FES: variants seen among roughly 807,000 people sequenced by gnomAD.
FES encodes the protein tyrosine-protein kinase Fes/Fps.
Under a neutral mutation model 109.6 loss-of-function variants are expected in FES, and 83 were observed. The ratio of observed to expected loss-of-function variants is 0.76; its 90% CI spans 0.63 to 0.91. The LOEUF is 0.91. Ranked by LOEUF, FES falls within the 40% of genes least tolerant of loss-of-function variation. The pLI is 0.00. For synonymous variants in FES, 458 were observed against 442.1 expected, an observed-to-expected ratio of 1.04 and a Z score of -0.45; for missense variants, 943 against 1,070.9, an observed-to-expected ratio of 0.88 and a Z score of 1.67.
At chr15:90,886,867 C>T (rs1596093665) in intron 3 of FES, 94 bp from the exon 4 acceptor site, 5 of 1,189,978 alleles carry the variant, frequency 4.2e-6, no homozygotes, top group Admixed American at 1.9e-5. Flanking sequence ...TGCTCCTTGC[C>T]TGACGACAGG....
Position 90,889,721 on chromosome 15 carries a change from C to A in FES, c.926+85C>A. The A allele has an allele frequency of 6.2e-7, 1 of 1,604,058 alleles. No individual in the cohort carries two copies. On this transcript the variant is annotated intron_variant, in intron 7 of 18. Coordinates refer to ENST00000328850, the MANE Select transcript of FES (RefSeq NM_002005.4). The surrounding 1 kb of genome is among the most constrained non-coding windows in gnomAD (Gnocchi z 6.1). ...TGTAGGCAGGGCTAGGTCGTGGAGA[C>A]TGTCCACACAGAGCTGTCACCAGGT...
At chr15:90,888,902 C>T (rs1181659355) in intron 5 of FES, among the ~76,000 whole-genome samples, 1 of 151,974 alleles carries the variant, frequency 6.6e-6, no homozygotes, top group African/African-American at 2.4e-5. Context: ...CTCAGCCTCC[C>T]GAGTAGCCAA....
rs1343781832 is a variant in FES, at chr15:90,889,991, C to T, written c.1049+29C>T. 1.2e-6 allele frequency: 2 copies of T among 1,610,376 alleles called. No individual in the cohort carries two copies. Among genetic ancestry groups the T allele is most frequent in the Non-Finnish European group, 1.7e-6 (2 of 1,179,108 alleles). On this transcript the variant is annotated intron_variant, in intron 8 of 18. Coordinates refer to ENST00000328850, the MANE Select transcript of FES (RefSeq NM_002005.4). This position sits in a 1 kb window ranked among gnomAD's most constrained non-coding sequence, Gnocchi z 6.1. Reference sequence around the variant, plus strand: ...AGTGGGCCCCTGCCTGCAGCAGCCTCCTGGGCCTCCCTCCCTCCTACCTAC... The same window carrying T: ...AGTGGGCCCCTGCCTGCAGCAGCCTTCTGGGCCTCCCTCCCTCCTACCTAC...
At chr15:90,886,234 C>T (rs1451381714) in intron 3 of FES, among the ~76,000 whole-genome samples, 4 of 152,236 alleles carry the variant, frequency 2.6e-5, no homozygotes, top group African/African-American at 9.6e-5. Flanking sequence ...AAAAGATCAT[C>T]TGATTCAAGG....
At chr15:90,891,929 G>T in intron 12 of FES, 129 bp from the exon 13 acceptor site, 1 of 1,190,370 alleles carries the variant, frequency 8.4e-7, no homozygotes. Flanking sequence ...AGTCATCTCA[G>T]TGTGCTCCCC....
chr15:90,886,270 CT>C (rs1450319816), intron 3 of FES, among the ~76,000 whole-genome samples: 2 of 152,242 alleles, frequency 1.3e-5, no homozygotes, highest in African/African-American at 4.8e-5. Flanking sequence ...TAAAGTTTTG[CT>C]GGAACACAGC....
At position 90,890,525 on chromosome 15, in the gene FES, C is replaced by T. The variant is rs200988464; in HGVS notation, c.1320+41C>T. 103 of 1,562,672 alleles carry T rather than the reference C, an allele frequency of 6.6e-5. No individual in the cohort carries two copies. In the East Asian group the frequency reaches 2.1e-3, roughly 32 times the overall value. On this transcript the variant is annotated intron_variant, in intron 10 of 18. Transcript: ENST00000328850. ...CCTGGGCCCCCCTACTGTTGTGTTT[C>T]GAGTTTAATCACTGGGATGTCCTAG... is the stretch of plus-strand genomic sequence containing the variant.
At chr15:90,895,348 C>A (rs531603171) in intron 18 of FES, 68 bp from the exon 19 acceptor site, 2 of 1,357,270 alleles carry the variant, frequency 1.5e-6, no homozygotes, top group Admixed American at 5.2e-5. Context: ...CTCATGGTAT[C>A]CCCCAGAGTC....
Position 90,895,578 on chromosome 15 carries a change from A to G in FES, c.*20A>G. 6.5e-7 allele frequency: 1 copy of G among 1,535,688 alleles called. No homozygotes were observed. The highest frequency in any genetic ancestry group is 8.8e-7 in the Non-Finnish European group (1 of 1,138,192). On this transcript the variant is annotated 3_prime_UTR_variant, in exon 19 of 19. Coordinates refer to ENST00000328850, the MANE Select transcript of FES (RefSeq NM_002005.4). ...CGGTGAGGCTGGGACCCCCTTCTCA[A>G]GCTGGTGGCCTCTGCAGGCCTAGGT...
At chr15:90,894,904 A>T (rs943925444) in intron 18 of FES, among the ~76,000 whole-genome samples, 1 of 152,058 alleles carries the variant, frequency 6.6e-6, no homozygotes, top group Non-Finnish European at 1.5e-5. Context: ...TGTCTCTACT[A>T]AAAATACAAA....
rs1197283201 is a variant in FES at position 90,891,556 on chromosome 15, C to T, written c.1533C>T (p.Asn511=). The T allele has an allele frequency of 1.2e-6, 2 of 1,613,756 alleles. No individual in the cohort carries two copies. The highest frequency in any genetic ancestry group is 2.2e-5 in the East Asian group (1 of 44,884). ...ACCCCGGGTCCCCTGCCCTGCAGAA[C>T]CTGTACCGACTGGAAGGGGAAGGCT... ...PRHFIIQSLD[N]LYRLEGEGFP... is the part of the protein sequence containing the mutation. Residue 511 remains asparagine, a splice_region_variant and synonymous_variant, in exon 12 of 19, where the codon AAC becomes AAT. Coordinates refer to ENST00000328850, the MANE Select transcript of FES (RefSeq NM_002005.4).
chr15:90,895,436 G>A lies in FES; in HGVS notation c.2347G>A (p.Glu783Lys). Residue 783 changes from glutamate to lysine, a missense_variant, in exon 19 of 19, where the codon GAG becomes AAG. Coordinates refer to ENST00000328850, the MANE Select transcript of FES (RefSeq NM_002005.4). ...CACAGGGGGCCGTCTGCCCTGCCCAGAGCTGTGTCCTGATGCCGTGTTCAG... is the reference window on the plus strand; with the variant it reads ...CACAGGGGGCCGTCTGCCCTGCCCAAAGCTGTGTCCTGATGCCGTGTTCAG... Reference protein sequence around the residue: ...VEKGGRLPCPELCPDAVFRLM... With the variant: ...VEKGGRLPCPKLCPDAVFRLM... The A allele has an allele frequency of 6.4e-7, 1 of 1,574,062 alleles. No homozygotes were observed. The highest frequency in any genetic ancestry group is 8.6e-7 in the Non-Finnish European group (1 of 1,156,922).
intron 5 of FES, among the ~76,000 whole-genome samples, chr15:90,887,709 A>G (rs1001480196): frequency 6.6e-6 from 1 of 152,320 alleles, no homozygotes; most frequent in South Asian, 2.1e-4. Flanking sequence ...ATGGAGAAAA[A>G]TAAAGCAAGA....
Position 90,888,747 on chromosome 15 carries a change from CATTTATTTATTTATTTATTT to C in FES, c.669-529_669-510del, listed in dbSNP as rs57072260. ...GGTTTAGGAGACAAGGATAGCAGTT[CATTTATTTATTTATTTATTT>C]ATTTATTTATTTATTTATTTATTTA... On this transcript the variant is annotated intron_variant, in intron 5 of 18. Transcript: ENST00000328850. 1.6e-3 allele frequency among the ~76,000 whole-genome samples: 222 copies of C among 142,662 alleles called. 1 individual carries two copies. Among genetic ancestry groups the C allele is most frequent in the Middle Eastern group, 0.01 (3 of 288 alleles). The allele number at this position is 142,662 out of a possible 152,430, so 93.6% of individuals were successfully genotyped here.
intron 3 of FES, among the ~76,000 whole-genome samples, chr15:90,886,394 AG>A (rs1475134562): frequency 6.6e-6 from 1 of 152,258 alleles, no homozygotes; most frequent in Non-Finnish European, 1.5e-5. Context: ...TGGCCCTTTA[AG>A]AAAAAGACTG....
At chr15:90,892,606 CG>C (rs767756947) in intron 13 of FES, 100 bp from the exon 14 acceptor site, 6 of 1,178,440 alleles carry the variant, frequency 5.1e-6, no homozygotes, top group Non-Finnish European at 6.0e-6. Flanking sequence ...GGTCCGAACA[CG>C]GGGGCCCCTC....
At chr15:90,884,873 C>A in intron 1 of FES, 164 bp from the exon 2 acceptor site, 1 of 647,672 alleles carries the variant, frequency 1.5e-6, no homozygotes, top group Non-Finnish European at 2.7e-6. Flanking sequence ...AGTCCCCAGG[C>A]CAGGCTGCTG....
chr15:90,893,148 C>T lies in FES; in HGVS notation c.1875C>T (p.Val625=). Residue 625 remains valine, a synonymous_variant, in exon 15 of 19, where the codon GTC becomes GTT. Coordinates refer to ENST00000328850, the MANE Select transcript of FES (RefSeq NM_002005.4). ...SHPNIVRLIG[V]CTQKQPIYIV... ...CCAACATCGTGCGTCTCATTGGTGT[C>T]TGCACCCAGAAGCAGCCCATCTACA... 2 of 1,614,022 alleles carry T rather than the reference C, an allele frequency of 1.2e-6. No homozygotes were observed. Among genetic ancestry groups the T allele is most frequent in the Admixed American group, 1.7e-5 (1 of 60,014 alleles).
In FES at chr15:90,889,668, G is replaced by A. The variant is rs778225178; in HGVS notation, c.926+32G>A. ...GGTGGCTTTGCACCTGGGCTGCGGCGGGGCTCCCAGCAGACCACGAGTGTT... is the reference window on the plus strand; with the variant it reads ...GGTGGCTTTGCACCTGGGCTGCGGCAGGGCTCCCAGCAGACCACGAGTGTT... On this transcript the variant is annotated intron_variant, in intron 7 of 18. Transcript: ENST00000328850. This position sits in a 1 kb window ranked among gnomAD's most constrained non-coding sequence, Gnocchi z 6.1. 9.9e-6 allele frequency: 16 copies of A among 1,610,580 alleles called. No individual in the cohort carries two copies. The highest frequency in any genetic ancestry group is 4.4e-5 in the South Asian group (4 of 90,806).
Sources: allele counts gnomAD v4.1 joint callset (sites outside exome capture counted in the v4.1 genomes callset), GRCh38; gene constraint gnomAD v4.1.1; non-coding constraint Gnocchi (gnomAD v3.1); transcripts MANE v1.5; gene names NCBI Gene and HGNC (gene_info 2026-07-23, HGNC 2026-07-21).